Variants in PRKN observed in about 807,000 individuals in gnomAD.
PRKN encodes the protein parkin RBR E3 ubiquitin protein ligase.
PRKN carries 56 observed loss-of-function variants against 59.5 expected under a neutral mutation model. That is an observed-to-expected ratio of 0.94 (90% CI 0.76 to 1.18). PRKN has a LOEUF of 1.18. PRKN is among the 50% of genes most tolerant of loss of function. The probability of loss-of-function intolerance (pLI) is 0.00; values close to 1 mark genes in which losing one functional copy is unlikely to be tolerated. For missense variants in PRKN, 657 were observed against 596.4 expected (o/e 1.10, Z -1.06); for synonymous variants, 250 against 222.1 (o/e 1.13, Z -1.12).
chr6:162,031,516 C>A (rs1230075823), intron 5 of PRKN, among the ~76,000 whole-genome samples: 1 of 149,650 alleles, frequency 6.7e-6, no homozygotes, highest in Non-Finnish European at 1.5e-5. Context: ...AAAAGAGTCA[C>A]TTTTCTTTTT....
rs575196094 is a variant in PRKN at position 162,118,331 on chromosome 6, G to A, written c.535-64157C>T. Reference sequence around the variant, plus strand: ...GAGACAGGAGAATGGTTGTGAAGCCGGGAGGTGGAGCTTGCAGTGAGCCGA... The same window carrying A: ...GAGACAGGAGAATGGTTGTGAAGCCAGGAGGTGGAGCTTGCAGTGAGCCGA... On this transcript the variant is annotated intron_variant, in intron 4 of 11. Coordinates refer to ENST00000366898, the MANE Select transcript of PRKN (RefSeq NM_004562.3). 4.0e-4 allele frequency among the ~76,000 whole-genome samples: 61 copies of A among 152,054 alleles called. 1 individual carries two copies. In the South Asian group the frequency reaches 0.012, roughly 30 times the overall value.
At chr6:161,890,579 A>G (rs1795307061) in intron 6 of PRKN, among the ~76,000 whole-genome samples, 1 of 152,304 alleles carries the variant, frequency 6.6e-6, no homozygotes, top group Middle Eastern at 3.4e-3. Context: ...TGCTGGAGAA[A>G]AGGTGGATGC....
chr6:162,129,594 A>T (rs1781261053), intron 4 of PRKN, among the ~76,000 whole-genome samples: 1 of 152,222 alleles, frequency 6.6e-6, no homozygotes, highest in Non-Finnish European at 1.5e-5. Context: ...TACCAAACAG[A>T]GTGTGAATAT....
At chr6:161,986,295 C>T (rs556830575) in intron 5 of PRKN, among the ~76,000 whole-genome samples, 3 of 152,312 alleles carry the variant, frequency 2.0e-5, no homozygotes, top group South Asian at 2.1e-4. Context: ...GTAACACCAC[C>T]GGAGCTATAA....
At chr6:161,563,137 G>A (rs980340765) in intron 8 of PRKN, among the ~76,000 whole-genome samples, 2 of 151,974 alleles carry the variant, frequency 1.3e-5, no homozygotes. Context: ...AATAGCTGGT[G>A]TCCCCTCAAC....
At chr6:161,795,564 C>T (rs1790812062) in intron 6 of PRKN, among the ~76,000 whole-genome samples, 1 of 152,052 alleles carries the variant, frequency 6.6e-6, no homozygotes, top group Non-Finnish European at 1.5e-5. Flanking sequence ...GCTTTATGAA[C>T]CTGCACCAGG....
intron 7 of PRKN, among the ~76,000 whole-genome samples, chr6:161,577,014 C>A (rs140924722): frequency 3.0e-4 from 46 of 152,210 alleles, no homozygotes; most frequent in African/African-American, 1.1e-3. Flanking sequence ...ATGATAAACG[C>A]CCCTGAAGTA....
chr6:162,329,123 G>A (rs1276440877), intron 2 of PRKN, among the ~76,000 whole-genome samples: 3 of 152,098 alleles, frequency 2.0e-5, no homozygotes, highest in Non-Finnish European at 4.4e-5. Flanking sequence ...CTCTTTTATT[G>A]TAGACAAAAT....
chr6:161,555,106 T>A (rs1780186463), intron 8 of PRKN, among the ~76,000 whole-genome samples: 1 of 152,178 alleles, frequency 6.6e-6, no homozygotes, highest in Non-Finnish European at 1.5e-5. Flanking sequence ...TTTACCTCAC[T>A]TCTAATTCCA....
rs77617313 is a variant in PRKN, at chr6:162,150,908, C to T, written c.534+50223G>A. ...CAATTATTGAACCTCAATTCATGGT[C>T]GTTGAATACTATGAAAAAATGCTCA... On this transcript the variant is annotated intron_variant, in intron 4 of 11. Coordinates refer to ENST00000366898, the MANE Select transcript of PRKN (RefSeq NM_004562.3). Among the ~76,000 whole-genome samples the T allele has an allele frequency of 1.0e-3, 155 of 152,060 alleles. 5 individuals carry two copies. The East Asian group carries it at 0.022, about 22-fold the overall frequency.
intron 4 of PRKN, among the ~76,000 whole-genome samples, chr6:162,059,835 T>C (rs1381354706): frequency 6.6e-6 from 1 of 152,222 alleles, no homozygotes; most frequent in South Asian, 2.1e-4. Flanking sequence ...CATGGGCTGC[T>C]GGCCAAATCC....
chr6:162,417,349 T>C (rs1396329797), intron 2 of PRKN, among the ~76,000 whole-genome samples: 3 of 152,154 alleles, frequency 2.0e-5, no homozygotes, highest in East Asian at 3.9e-4. Flanking sequence ...TAGGGGTCGC[T>C]GCCTTTCCTG....
chr6:161,530,392 A>G lies in PRKN; in HGVS notation c.1083+18462T>C, dbSNP rs1779159819. ...CTTCCATATCAGGTACCCTGGTTTG[A>G]AAAATCATACTTTTAGAAGAAATTG... On this transcript the variant is annotated intron_variant, in intron 9 of 11. Coordinates refer to ENST00000366898, the MANE Select transcript of PRKN (RefSeq NM_004562.3). This position sits in a 1 kb window ranked among gnomAD's most constrained non-coding sequence, Gnocchi z 5.0. Among the ~76,000 whole-genome samples the G allele has an allele frequency of 6.6e-6, 1 of 152,210 alleles. No homozygotes were observed. Among genetic ancestry groups the G allele is most frequent in the South Asian group, 2.1e-4 (1 of 4,826 alleles).
At chr6:161,679,315 C>T (rs1035182715) in intron 7 of PRKN, among the ~76,000 whole-genome samples, 1 of 152,122 alleles carries the variant, frequency 6.6e-6, no homozygotes, top group African/African-American at 2.4e-5. Flanking sequence ...TATCCTGGGG[C>T]TGCTAAAGAC....
intron 1 of PRKN, among the ~76,000 whole-genome samples, chr6:162,625,068 G>A (rs938976328): frequency 6.6e-6 from 1 of 152,142 alleles, no homozygotes; most frequent in African/African-American, 2.4e-5. Context: ...TTTGGCCAAT[G>A]AAATGGAATT....
At chr6:162,670,246 T>C (rs1341786225) in intron 1 of PRKN, among the ~76,000 whole-genome samples, 1 of 152,166 alleles carries the variant, frequency 6.6e-6, no homozygotes, top group African/African-American at 2.4e-5. Flanking sequence ...CACATCTTTT[T>C]GTAACTAGCT....
intron 2 of PRKN, among the ~76,000 whole-genome samples, chr6:162,332,636 T>C (rs967601790): frequency 3.3e-5 from 5 of 152,218 alleles, no homozygotes; most frequent in African/African-American, 1.2e-4. Flanking sequence ...GATTTTGTCA[T>C]ATGAAGTTAC....
intron 7 of PRKN, among the ~76,000 whole-genome samples, chr6:161,621,155 A>C (rs547972618): frequency 1.3e-5 from 2 of 152,272 alleles, no homozygotes; most frequent in South Asian, 4.1e-4. Flanking sequence ...CCACTCTATT[A>C]GTCAGGCTTC....
At chr6:162,371,717 C>T (rs1785779186) in intron 2 of PRKN, among the ~76,000 whole-genome samples, 1 of 152,164 alleles carries the variant, frequency 6.6e-6, no homozygotes, top group Non-Finnish European at 1.5e-5. Context: ...GCCTAAGAAT[C>T]CTAACCTTTA....
Sources: gnomAD v4.1 joint callset for allele counts (sites outside exome capture counted in the v4.1 genomes callset) on GRCh38, gnomAD v4.1.1 for gene constraint, Gnocchi (gnomAD v3.1) non-coding constraint, MANE v1.5 for transcripts, NCBI Gene and HGNC (gene_info 2026-07-23, HGNC 2026-07-21) for gene names.